ZNF704: variants seen among roughly 807,000 people sequenced by gnomAD.
The protein encoded by ZNF704 is zinc finger protein 704, also known as glucocorticoid induced gene 1.
Under a neutral mutation model 44.7 loss-of-function variants are expected in ZNF704, and 10 were observed. That is an observed-to-expected ratio of 0.22 (90% CI 0.14 to 0.38). The LOEUF is 0.38. Ranked by LOEUF, ZNF704 falls within the 10% of genes least tolerant of loss-of-function variation. The probability of loss-of-function intolerance (pLI) is 1.00; values close to 1 mark genes in which losing one functional copy is unlikely to be tolerated. For synonymous variants in ZNF704, 211 were observed against 207.6 expected, an observed-to-expected ratio of 1.02 and a Z score of -0.14; for missense variants, 390 against 545.5, an observed-to-expected ratio of 0.71 and a Z score of 2.84.
chr8:80,823,376 G>T (rs1241197335), intron 1 of ZNF704, among the ~76,000 whole-genome samples: 1 of 152,236 alleles, frequency 6.6e-6, no homozygotes, highest in African/African-American at 2.4e-5. Context: ...CTGGGGGAGG[G>T]GCATCAGCCA....
chr8:80,699,986 G>C (rs913154723), intron 2 of ZNF704, among the ~76,000 whole-genome samples: 5 of 152,120 alleles, frequency 3.3e-5, no homozygotes, highest in Admixed American at 3.3e-4. Context: ...GTGAGGTCAG[G>C]TGGGGTGTGG....
chr8:80,769,799 C>G (rs1285974544), intron 2 of ZNF704, among the ~76,000 whole-genome samples: 3 of 152,194 alleles, frequency 2.0e-5, no homozygotes, highest in Admixed American at 2.0e-4. Context: ...GGGTCCAAAG[C>G]TGCTTCCACA....
At chr8:80,689,815 T>C (rs913910731) in intron 3 of ZNF704, among the ~76,000 whole-genome samples, 3 of 152,202 alleles carry the variant, frequency 2.0e-5, no homozygotes, top group Admixed American at 2.0e-4. Context: ...AGAAGGACTA[T>C]AAGTGATATA....
intron 6 of ZNF704, 114 bp downstream of exon 6, chr8:80,664,701 G>A (rs780361473): frequency 2.0e-5 from 26 of 1,287,632 alleles, no homozygotes; most frequent in Non-Finnish European, 2.7e-5. Flanking sequence ...AAAGCTACCG[G>A]GCTGCCGTGT....
At chr8:80,843,959 GTATATATATGTGTATA>G (rs1404110441) in intron 1 of ZNF704, among the ~76,000 whole-genome samples, 9 of 139,152 alleles carry the variant, frequency 6.5e-5, no homozygotes, top group African/African-American at 1.8e-4. Context: ...ATATATATGT[GTATATATATGTGTATA>G]TATATATATA....
chr8:80,861,083 A>G (rs967629082), intron 1 of ZNF704, among the ~76,000 whole-genome samples: 13 of 152,220 alleles, frequency 8.5e-5, no homozygotes, highest in African/African-American at 3.1e-4. Flanking sequence ...AAGTAGCCAC[A>G]AGACTGTCTA....
chr8:80,792,707 C>T (rs1312178130), intron 2 of ZNF704, among the ~76,000 whole-genome samples: 2 of 152,160 alleles, frequency 1.3e-5, no homozygotes, highest in Non-Finnish European at 2.9e-5. Context: ...TATGGGGAGG[C>T]ACACATGGCA....
chr8:80,692,911 T>C, intron 3 of ZNF704, 93 bp downstream of exon 3: 1 of 1,147,116 alleles, frequency 8.7e-7, no homozygotes, highest in South Asian at 1.3e-5. Flanking sequence ...GGGTCAGTGG[T>C]TCATAGCGCT....
chr8:80,838,582 G>C (rs956490052), intron 1 of ZNF704, among the ~76,000 whole-genome samples: 12 of 150,450 alleles, frequency 8.0e-5, no homozygotes, highest in African/African-American at 3.0e-4. Flanking sequence ...GGAGGAAAAG[G>C]GGGGAGGAGG....
At chr8:80,680,506 T>A (rs1419083193) in intron 4 of ZNF704, among the ~76,000 whole-genome samples, 1 of 151,838 alleles carries the variant, frequency 6.6e-6, no homozygotes, top group East Asian at 1.9e-4. Context: ...TGCAGGTGAG[T>A]TGGCTGCATT....
chr8:80,763,327 C>T (rs1807162765), intron 2 of ZNF704, among the ~76,000 whole-genome samples: 1 of 152,224 alleles, frequency 6.6e-6, no homozygotes, highest in African/African-American at 2.4e-5. Context: ...ACATTCCAGA[C>T]ATCCAGGTGT....
chr8:80,671,631 G>A (rs1225883372), intron 4 of ZNF704, among the ~76,000 whole-genome samples: 1 of 152,142 alleles, frequency 6.6e-6, no homozygotes, highest in Non-Finnish European at 1.5e-5. Context: ...TTGTCCTTGG[G>A]ATGCCACCTC....
chr8:80,803,707 G>A (rs1807939659), intron 2 of ZNF704, among the ~76,000 whole-genome samples: 1 of 152,100 alleles, frequency 6.6e-6, no homozygotes, highest in Non-Finnish European at 1.5e-5. Flanking sequence ...AGACTTAAAT[G>A]TAAAGCCAAA....
At chr8:80,766,013 GT>G (rs1459166189) in intron 2 of ZNF704, among the ~76,000 whole-genome samples, 4 of 152,020 alleles carry the variant, frequency 2.6e-5, no homozygotes, top group Admixed American at 2.6e-4. Flanking sequence ...TAAAAAAAAA[GT>G]TTAGTGAACT....
chr8:80,719,899 T>C (rs954933248), intron 2 of ZNF704, among the ~76,000 whole-genome samples: 1 of 152,194 alleles, frequency 6.6e-6, no homozygotes. Flanking sequence ...TTCAGCTTAC[T>C]TGAAATGGAA....
Position 80,760,881 on chromosome 8 carries a change from G to A in ZNF704, c.221+60493C>T, listed in dbSNP as rs555522434. On this transcript the variant is annotated intron_variant, in intron 2 of 8. Coordinates refer to ENST00000327835, the MANE Select transcript of ZNF704 (RefSeq NM_001033723.3). ...ATGGCCACAGCAGAAGCAAGAGAGC[G>A]AGCAGGGAACTGCTGCACACTTTCA... is the stretch of plus-strand genomic sequence containing the variant. Among the ~76,000 whole-genome samples the A allele has an allele frequency of 1.2e-3, 190 of 152,114 alleles. 2 individuals are homozygous for A. The highest frequency in any genetic ancestry group is 3.7e-3 in the African/African-American group (155 of 41,488).
At position 80,821,428 on chromosome 8, in the gene ZNF704, A is replaced by C; in HGVS notation, c.167T>G (p.Leu56Arg). Residue 56 changes from leucine to arginine, a missense_variant, in exon 2 of 9, where the codon CTC becomes CGC. Leu to Arg is a moderately radical substitution (Grantham distance 102). Around this residue, in one of 3 missense-constraint regions of ZNF704, gnomAD observed 80 missense variants for 83.7 expected, o/e 0.96. Transcript: ENST00000327835. ...HEKENTRSICLLEQKRKVVSS... is the reference protein window; with the variant it reads ...HEKENTRSICRLEQKRKVVSS... Reference sequence around the variant, plus strand: ...AACAACTTTTCTTTTTTGCTCAAGGAGACAGATGGAGCGAGTGTTTTCTTT... The same window carrying C: ...AACAACTTTTCTTTTTTGCTCAAGGCGACAGATGGAGCGAGTGTTTTCTTT... 5.6e-6 allele frequency: 9 copies of C among 1,614,062 alleles called. No individual in the cohort carries two copies. Among genetic ancestry groups the C allele is most frequent in the Non-Finnish European group, 7.6e-6 (9 of 1,180,008 alleles).
chr8:80,882,520 C>T, the ZNF704 span, among the ~76,000 whole-genome samples: 1 of 152,132 alleles, frequency 6.6e-6, no homozygotes, highest in Admixed American at 6.5e-5. Context: ...GCCATATTTT[C>T]TGCAAATACT....
chr8:80,869,596 A>G (rs1015137143), intron 1 of ZNF704, among the ~76,000 whole-genome samples: 2 of 152,182 alleles, frequency 1.3e-5, no homozygotes, highest in Non-Finnish European at 2.9e-5. Context: ...AGGCTTTCCA[A>G]GGACTTTCCT....
Sources: gnomAD v4.1 joint callset for allele counts (sites outside exome capture counted in the v4.1 genomes callset) on GRCh38, gnomAD v4.1.1 for gene constraint, gnomAD v4.1.1 regional missense constraint, MANE v1.5 for transcripts, NCBI Gene and HGNC (gene_info 2026-07-23, HGNC 2026-07-21) for gene names.